Variants in APCDD1 observed in about 807,000 individuals in gnomAD.
APCDD1 encodes the protein protein APCDD1.
In APCDD1, 15 loss-of-function variants were observed where a neutral mutation model predicts 38.1. The observed-to-expected ratio is 0.39, with a 90% CI of 0.26 to 0.61. The LOEUF (loss-of-function observed/expected upper bound fraction) is 0.61, where lower values mean the gene tolerates loss of function less well. APCDD1 is among the 20% of genes least tolerant of loss of function. The pLI is 0.49. For synonymous variants in APCDD1, 261 were observed against 279.7 expected (o/e 0.93, Z 0.67); for missense variants, 647 against 696.2 (o/e 0.93, Z 0.79).
rs557061245 is a variant in APCDD1 at position 10,472,376 on chromosome 18, C to T, written c.774+315C>T. On this transcript the variant is annotated intron_variant, in intron 3 of 4. Coordinates refer to ENST00000355285, the MANE Select transcript of APCDD1 (RefSeq NM_153000.5). The surrounding 1 kb of genome is among the most constrained non-coding windows in gnomAD (Gnocchi z 6.6). ...AAGGCTCCTTTCAGCTCTCCCATCC[C>T]AGGAACCTCTTCAGTGATTCCAAGA... Among the ~76,000 whole-genome samples, 3 of 152,296 alleles carry T rather than the reference C, an allele frequency of 2.0e-5. No individual in the cohort carries two copies. The highest frequency in any genetic ancestry group is 7.2e-5 in the African/African-American group (3 of 41,568).
rs910620516 is a variant in APCDD1 at position 10,472,633 on chromosome 18, C to T, written c.774+572C>T. Among the ~76,000 whole-genome samples, 1 of 152,094 alleles carries T rather than the reference C, an allele frequency of 6.6e-6. No individual in the cohort carries two copies. The highest frequency in any genetic ancestry group is 2.1e-4 in the South Asian group (1 of 4,820). On this transcript the variant is annotated intron_variant, in intron 3 of 4. Transcript: ENST00000355285. This position sits in a 1 kb window ranked among gnomAD's most constrained non-coding sequence, Gnocchi z 6.6. ...GGGGTTATGGCTCCTGCCCAGGCCA[C>T]GCGGCTACTGAGTTTTCCTGCTGGA...
intron 1 of APCDD1, among the ~76,000 whole-genome samples, chr18:10,468,254 G>A (rs1464477384): frequency 6.6e-6 from 1 of 152,214 alleles, no homozygotes; most frequent in Non-Finnish European, 1.5e-5. Context: ...TGATCTCCAA[G>A]GACCTCAGTT....
rs2030829893 is a variant in APCDD1 at position 10,470,696 on chromosome 18, C to CT, written c.243-831dup. Among the ~76,000 whole-genome samples, 1 of 152,208 alleles carries CT rather than the reference C, an allele frequency of 6.6e-6. No individual in the cohort carries two copies. On this transcript the variant is annotated intron_variant, in intron 2 of 4. Transcript: ENST00000355285. The surrounding 1 kb of genome is among the most constrained non-coding windows in gnomAD (Gnocchi z 4.1). Reference sequence around the variant, plus strand: ...CTAAGGCCAGGTCATTTGGCCAGGGCTTTAAGTACCTCCCCGTACCCCCAT... The same window carrying CT: ...CTAAGGCCAGGTCATTTGGCCAGGGCTTTTAAGTACCTCCCCGTACCCCCAT...
At chr18:10,465,063 C>G (rs115766147) in intron 1 of APCDD1, among the ~76,000 whole-genome samples, 2 of 152,162 alleles carry the variant, frequency 1.3e-5, no homozygotes, top group South Asian at 4.1e-4. Context: ...TCATAACTGA[C>G]GAGTAGACAG....
chr18:10,477,135 C>G (rs1015556547), intron 3 of APCDD1: 4 of 152,332 alleles, frequency 2.6e-5, no homozygotes, highest in Admixed American at 2.6e-4. Context: ...GGAAGAATTC[C>G]ATACCACTTT....
intron 4 of APCDD1, 143 bp from the exon 5 acceptor site, chr18:10,487,447 G>A (rs1182160203): frequency 7.5e-6 from 6 of 803,054 alleles, no homozygotes; most frequent in South Asian, 3.0e-5. Context: ...GACTACTGCT[G>A]TCAGATGGGT....
At chr18:10,481,154 A>C (rs2031127872) in intron 3 of APCDD1, among the ~76,000 whole-genome samples, 1 of 152,188 alleles carries the variant, frequency 6.6e-6, no homozygotes. Flanking sequence ...GGTTCCCCCC[A>C]AAAATTAAAC....
rs2030877823 is a variant in APCDD1, at chr18:10,472,163, C to G, written c.774+102C>G. ...TAGGGCACCCTTGAAAGGGGGAATT[C>G]TGCATCATGGCGGGGCAGGCCAAGG... On this transcript the variant is annotated intron_variant, in intron 3 of 4. Coordinates refer to ENST00000355285, the MANE Select transcript of APCDD1 (RefSeq NM_153000.5). This position sits in a 1 kb window ranked among gnomAD's most constrained non-coding sequence, Gnocchi z 6.6. 1 of 1,529,526 alleles carries G rather than the reference C, an allele frequency of 6.5e-7. No individual in the cohort carries two copies. The highest frequency in any genetic ancestry group is 9.0e-7 in the Non-Finnish European group (1 of 1,114,120). 94.7% of individuals were successfully genotyped at this position (1,529,526 alleles called of 1,614,324 possible).
chr18:10,475,436 G>A lies in APCDD1; in HGVS notation c.774+3375G>A, dbSNP rs1197803879. Among the ~76,000 whole-genome samples, 3 of 152,254 alleles carry A rather than the reference G, an allele frequency of 2.0e-5. No homozygotes were observed. Among genetic ancestry groups the A allele is most frequent in the African/African-American group, 4.8e-5 (2 of 41,540 alleles). ...GGAAAAAAGGAAGTTATAAAATAGC[G>A]TGAATAATATGATACCATCTGCATA... On this transcript the variant is annotated intron_variant, in intron 3 of 4. Coordinates refer to ENST00000355285, the MANE Select transcript of APCDD1 (RefSeq NM_153000.5). The surrounding 1 kb of genome is among the most constrained non-coding windows in gnomAD (Gnocchi z 4.0).
chr18:10,468,337 G>T (rs1263427112), intron 1 of APCDD1, 132 bp from the exon 2 acceptor site: 2 of 987,632 alleles, frequency 2.0e-6, no homozygotes, highest in Admixed American at 3.4e-5. Flanking sequence ...AGCACGCACT[G>T]TGATGACACC....
intron 3 of APCDD1, among the ~76,000 whole-genome samples, chr18:10,480,740 C>T (rs912680743): frequency 1.3e-5 from 2 of 151,692 alleles, no homozygotes; most frequent in African/African-American, 4.8e-5. Flanking sequence ...TGGTGGTGCA[C>T]ACCTGTAGTC....
rs1169948698 is a variant in APCDD1 at position 10,475,002 on chromosome 18, G to A, written c.774+2941G>A. Among the ~76,000 whole-genome samples the A allele has an allele frequency of 6.6e-6, 1 of 152,246 alleles. No homozygotes were observed. The highest frequency in any genetic ancestry group is 2.4e-5 in the African/African-American group (1 of 41,466). ...TGTCATCAGCCGTGTGGCATTGGTA[G>A]TTATCTGACCTACTGGAGACTTCAT... On this transcript the variant is annotated intron_variant, in intron 3 of 4. Coordinates refer to ENST00000355285, the MANE Select transcript of APCDD1 (RefSeq NM_153000.5). The surrounding 1 kb of genome is among the most constrained non-coding windows in gnomAD (Gnocchi z 4.0).
At chr18:10,486,991 C>G (rs1050151219) in intron 4 of APCDD1, among the ~76,000 whole-genome samples, 1 of 152,182 alleles carries the variant, frequency 6.6e-6, no homozygotes, top group Non-Finnish European at 1.5e-5. Flanking sequence ...ACGGAAGTGG[C>G]CCCCTGGAGG....
chr18:10,486,362 A>G (rs2031249733), intron 4 of APCDD1, among the ~76,000 whole-genome samples: 1 of 152,204 alleles, frequency 6.6e-6, no homozygotes, highest in Admixed American at 6.5e-5. Context: ...TCTAAAAAAC[A>G]AAAAAAGAAA....
rs2030821230 is a variant in APCDD1 at position 10,470,344 on chromosome 18, T to C, written c.243-1186T>C. 6.6e-6 allele frequency among the ~76,000 whole-genome samples: 1 copy of C among 152,228 alleles called. No individual in the cohort carries two copies. The highest frequency in any genetic ancestry group is 1.5e-5 in the Non-Finnish European group (1 of 68,036). Reference sequence around the variant, plus strand: ...AATCTGGGGTGTTTGCTCTCTCCTTTTTCTAAGATTACAGATACCCCAGGT... The same window carrying C: ...AATCTGGGGTGTTTGCTCTCTCCTTCTTCTAAGATTACAGATACCCCAGGT... On this transcript the variant is annotated intron_variant, in intron 2 of 4. Transcript: ENST00000355285. This position sits in a 1 kb window ranked among gnomAD's most constrained non-coding sequence, Gnocchi z 4.1.
In APCDD1 at chr18:10,472,673, G is replaced by A. The variant is rs2030892290; in HGVS notation, c.774+612G>A. On this transcript the variant is annotated intron_variant, in intron 3 of 4. Coordinates refer to ENST00000355285, the MANE Select transcript of APCDD1 (RefSeq NM_153000.5). The surrounding 1 kb of genome is among the most constrained non-coding windows in gnomAD (Gnocchi z 6.6). ...TTCCTGCTGGACCATGAGTCCAAAG[G>A]TCCTTCCTCCATACCCCACGTTCTT... Among the ~76,000 whole-genome samples the A allele has an allele frequency of 6.6e-6, 1 of 152,190 alleles. No homozygotes were observed. The highest frequency in any genetic ancestry group is 2.4e-5 in the African/African-American group (1 of 41,452).
In APCDD1 at chr18:10,485,368, T is replaced by C; in HGVS notation, c.775-94T>C. On this transcript the variant is annotated intron_variant, in intron 3 of 4. Transcript: ENST00000355285. This position sits in a 1 kb window ranked among gnomAD's most constrained non-coding sequence, Gnocchi z 5.8. ...GTCGAGGTTGTCAGTGATGGTGATC[T>C]GGTGCCTGGTGAGACCCCATTTGCC... 7.2e-7 allele frequency: 1 copy of C among 1,381,044 alleles called. No homozygotes were observed. The highest frequency in any genetic ancestry group is 1.0e-6 in the Non-Finnish European group (1 of 979,538). 85.5% of individuals were successfully genotyped at this position (1,381,044 alleles called of 1,614,324 possible).
At position 10,464,010 on chromosome 18, in the gene APCDD1, G is replaced by A. The variant is rs73942617; in HGVS notation, c.59-4459G>A. Among the ~76,000 whole-genome samples, 664 of 152,304 alleles carry A rather than the reference G, an allele frequency of 4.4e-3. 5 individuals carry two copies. Among genetic ancestry groups the A allele is most frequent in the African/African-American group, 0.013 (547 of 41,566 alleles). On this transcript the variant is annotated intron_variant, in intron 1 of 4. Transcript: ENST00000355285. The stretch of plus-strand genomic sequence containing the variant: ...TGCTCATTGTCAAATGTGAGCAATA[G>A]CAAAATGGATATTGATCTTTAGAAA...
Position 10,469,612 on chromosome 18 carries a change from C to T in APCDD1, c.242+960C>T, listed in dbSNP as rs1276958266. 6.6e-6 allele frequency among the ~76,000 whole-genome samples: 1 copy of T among 152,074 alleles called. No homozygotes were observed. The highest frequency in any genetic ancestry group is 1.5e-5 in the Non-Finnish European group (1 of 68,010). On this transcript the variant is annotated intron_variant, in intron 2 of 4. Coordinates refer to ENST00000355285, the MANE Select transcript of APCDD1 (RefSeq NM_153000.5). The surrounding 1 kb of genome is among the most constrained non-coding windows in gnomAD (Gnocchi z 5.5). The stretch of plus-strand genomic sequence containing the variant: ...TTCAAGGGTTTTATAAGTAAATACA[C>T]AAGAAGTACTATGAAAGTGGAGGGG...
Sources: allele counts gnomAD v4.1 joint callset (sites outside exome capture counted in the v4.1 genomes callset), GRCh38; gene constraint gnomAD v4.1.1; non-coding constraint Gnocchi (gnomAD v3.1); transcripts MANE v1.5; gene names NCBI Gene and HGNC (gene_info 2026-07-23, HGNC 2026-07-21).